CCDC18: variants seen among roughly 807,000 people sequenced by gnomAD.
CCDC18 encodes the protein coiled-coil domain-containing protein 18.
A neutral mutation model predicts 196.0 loss-of-function variants in CCDC18; 157 were observed. The observed-to-expected ratio is 0.80, with a 90% confidence interval of 0.70 to 0.91. The LOEUF is 0.91. Ranked by LOEUF, CCDC18 falls within the 40% of genes least tolerant of loss-of-function variation. CCDC18 has a pLI of 0.00. For synonymous variants in CCDC18, 482 were observed against 529.2 expected, an observed-to-expected ratio of 0.91 and a Z score of 1.22; for missense variants, 1,465 against 1,611.6, an observed-to-expected ratio of 0.91 and a Z score of 1.56.
At chr1:93,218,995 G>C (rs1028009645) in intron 14 of CCDC18, among the ~76,000 whole-genome samples, 2 of 152,134 alleles carry the variant, frequency 1.3e-5, no homozygotes, top group African/African-American at 4.8e-5. Context: ...ATATTTTTCA[G>C]TCTAACCCTA....
intron 4 of CCDC18, among the ~76,000 whole-genome samples, chr1:93,189,489 C>A (rs1004161935): frequency 2.6e-5 from 4 of 152,180 alleles, no homozygotes; most frequent in Non-Finnish European, 5.9e-5. Context: ...ATATGCCCAG[C>A]AGTGGAATTT....
At position 93,236,384 on chromosome 1, in the gene CCDC18, C is replaced by G; in HGVS notation, c.2597C>G (p.Thr866Ser). The change falls in exon 19 of 29, where the codon ACT (threonine) becomes AGT (serine). Residue 866 changes from threonine (T) to serine (S), a missense_variant. By Grantham distance (58) the Thr-to-Ser change is moderately conservative. Transcript: ENST00000690025. The part of the protein sequence containing the change: ...KRQKVIELTG[T>S]ARQVKIEMDQ... ...CAAAAAGTGATTGAGCTTACTGGCA[C>G]TGCCAGGTAAAATGTGAATATGTTT... 1 of 1,590,350 alleles carries G rather than the reference C, an allele frequency of 6.3e-7. No homozygotes were observed.
chr1:93,222,706 C>G (rs1291513141), intron 16 of CCDC18, among the ~76,000 whole-genome samples: 2 of 152,092 alleles, frequency 1.3e-5, no homozygotes, highest in Non-Finnish European at 2.9e-5. Context: ...TGACAATACC[C>G]TAGAAGAGCA....
intron 26 of CCDC18, 153 bp from the exon 27 acceptor site, chr1:93,264,548 T>G (rs1664235578): frequency 9.5e-6 from 5 of 528,972 alleles, no homozygotes; most frequent in Non-Finnish European, 1.7e-5. Context: ...TTTCCTCTAG[T>G]ATTCATTGAG....
At chr1:93,194,944 C>T (rs1652456929) in intron 6 of CCDC18, among the ~76,000 whole-genome samples, 2 of 152,244 alleles carry the variant, frequency 1.3e-5, no homozygotes, top group South Asian at 2.1e-4. Flanking sequence ...GATCTTGGCT[C>T]ACTGCATCCT....
intron 28 of CCDC18, among the ~76,000 whole-genome samples, chr1:93,274,867 T>C (rs1002899036): frequency 6.6e-6 from 1 of 152,214 alleles, no homozygotes; most frequent in African/African-American, 2.4e-5. Flanking sequence ...AACTTAAAGA[T>C]TGGATTCTTA....
At chr1:93,233,508 C>A (rs1659561340) in intron 18 of CCDC18, among the ~76,000 whole-genome samples, 1 of 152,012 alleles carries the variant, frequency 6.6e-6, no homozygotes, top group Non-Finnish European at 1.5e-5. Flanking sequence ...TTTTTTCGGT[C>A]TTTTATCTAC....
intron 4 of CCDC18, among the ~76,000 whole-genome samples, chr1:93,187,558 T>C (rs951066796): frequency 6.6e-6 from 1 of 152,176 alleles, no homozygotes; most frequent in Admixed American, 6.5e-5. Flanking sequence ...TTTCACTATT[T>C]ACTTTTATAA....
chr1:93,182,187 A>G (rs980645944), intron 1 of CCDC18, among the ~76,000 whole-genome samples: 5 of 152,194 alleles, frequency 3.3e-5, no homozygotes, highest in African/African-American at 1.2e-4. Flanking sequence ...GTCTATTAAG[A>G]TTACATAGTA....
At chr1:93,256,564 T>C (rs377351492) in intron 25 of CCDC18, 26 bp downstream of exon 25, 2 of 1,561,556 alleles carry the variant, frequency 1.3e-6, no homozygotes, top group Admixed American at 3.4e-5. Context: ...AATAATCTTA[T>C]GTATCTGAAA....
chr1:93,224,420 G>A (rs546645661), intron 16 of CCDC18, among the ~76,000 whole-genome samples: 1 of 152,242 alleles, frequency 6.6e-6, no homozygotes, highest in Admixed American at 6.5e-5. Context: ...AACATTGTCC[G>A]TACTAAAATT....
chr1:93,243,600 TG>T (rs1478774405), intron 21 of CCDC18, among the ~76,000 whole-genome samples: 1 of 152,160 alleles, frequency 6.6e-6, no homozygotes, highest in African/African-American at 2.4e-5. Flanking sequence ...CCTCAGAAAA[TG>T]GGATTTTCTT....
At chr1:93,265,438 T>C (rs1417018317) in intron 27 of CCDC18, among the ~76,000 whole-genome samples, 1 of 152,226 alleles carries the variant, frequency 6.6e-6, no homozygotes, top group African/African-American at 2.4e-5. Flanking sequence ...TATTTAATTG[T>C]AAAAGTTATG....
chr1:93,269,966 G>T (rs1480979326), intron 27 of CCDC18, among the ~76,000 whole-genome samples: 1 of 152,114 alleles, frequency 6.6e-6, no homozygotes, highest in Non-Finnish European at 1.5e-5. Context: ...TCTGAAAGGG[G>T]TCTTTTTGTG....
rs968336699 is a variant in CCDC18, at chr1:93,181,330, G to T, written c.-3+478G>T. Among the ~76,000 whole-genome samples, 6 of 150,790 alleles carry T rather than the reference G, an allele frequency of 4.0e-5. No homozygotes were observed. The East Asian group carries it at 1.2e-3, about 29-fold the overall frequency. The stretch of plus-strand genomic sequence containing the variant: ...GAATCTTTTTCGACTACAGCCCATT[G>T]TATCACATACATAGGGTATAAAAGA... On this transcript the variant is annotated intron_variant, in intron 1 of 28. Coordinates refer to ENST00000690025, the MANE Select transcript of CCDC18 (RefSeq NM_001378204.1).
intron 28 of CCDC18, among the ~76,000 whole-genome samples, chr1:93,275,319 A>G (rs1193609856): frequency 6.6e-6 from 1 of 151,946 alleles, no homozygotes; most frequent in Non-Finnish European, 1.5e-5. Flanking sequence ...ATGTTGGCCA[A>G]GCTGGTCTCA....
chr1:93,203,138 G>A (rs890773639), intron 7 of CCDC18, among the ~76,000 whole-genome samples: 3 of 152,182 alleles, frequency 2.0e-5, no homozygotes, highest in Non-Finnish European at 4.4e-5. Flanking sequence ...TGAAGGAGCT[G>A]AGTAGGTAGC....
At position 93,239,763 on chromosome 1, in the gene CCDC18, G is replaced by C; in HGVS notation, c.2848G>C (p.Glu950Gln). ...GCAAAAACGGGAAGTACTTGAGACTGAACTACAAAATGCTCATGGAGAATT... is the reference window on the plus strand; with the variant it reads ...GCAAAAACGGGAAGTACTTGAGACTCAACTACAAAATGCTCATGGAGAATT... ...ALQKREVLET[E>Q]LQNAHGELKS... Residue 950 changes from glutamate (E) to glutamine (Q), a missense_variant, in exon 21 of 29, where the codon GAA (glutamate) becomes CAA (glutamine). Physicochemically the swap from Glu to Gln is conservative, Grantham distance 29 (BLOSUM62 2). Coordinates refer to ENST00000690025, the MANE Select transcript of CCDC18 (RefSeq NM_001378204.1). 6.2e-7 allele frequency: 1 copy of C among 1,613,690 alleles called. No individual in the cohort carries two copies. Among genetic ancestry groups the C allele is most frequent in the Non-Finnish European group, 8.5e-7 (1 of 1,179,744 alleles).
chr1:93,182,272 A>G (rs1649848610), intron 1 of CCDC18, among the ~76,000 whole-genome samples: 1 of 152,214 alleles, frequency 6.6e-6, no homozygotes, highest in African/African-American at 2.4e-5. Flanking sequence ...TACATCTGAG[A>G]ATTTTTGAGT....
Sources: allele counts gnomAD v4.1 joint callset (sites outside exome capture counted in the v4.1 genomes callset), GRCh38; gene constraint gnomAD v4.1.1; transcripts MANE v1.5; gene names NCBI Gene and HGNC (gene_info 2026-07-23, HGNC 2026-07-21).